OPCML: variants seen among roughly 807,000 people sequenced by gnomAD.
The protein encoded by OPCML is opioid binding protein/cell adhesion molecule like.
A neutral mutation model predicts 37.8 loss-of-function variants in OPCML; 13 were observed. That is an observed-to-expected ratio of 0.34 (90% CI 0.22 to 0.55). The LOEUF is 0.55. Ranked by LOEUF, OPCML falls within the 20% of genes least tolerant of loss-of-function variation. The pLI, the probability that OPCML is intolerant of heterozygous loss-of-function variation, is 0.91. For missense variants in OPCML, 341 were observed against 435.6 expected (o/e 0.78, Z 1.93); for synonymous variants, 176 against 168.8 (o/e 1.04, Z -0.33).
chr11:132,772,263 G>A (rs1946664828), intron 2 of OPCML: 3 of 152,184 alleles, frequency 2.0e-5, no homozygotes, highest in African/African-American at 7.2e-5. Context: ...TGCTACCAAA[G>A]CTCTCATTTC....
At chr11:133,218,637 A>C (rs1483438563) in intron 1 of OPCML, among the ~76,000 whole-genome samples, 1 of 152,210 alleles carries the variant, frequency 6.6e-6, no homozygotes, top group Non-Finnish European at 1.5e-5. Flanking sequence ...TGATGTCTGC[A>C]GCTGGCATAG....
chr11:132,443,638 C>T lies in OPCML; in HGVS notation c.506-6279G>A, dbSNP rs543721399. Among the ~76,000 whole-genome samples the T allele has an allele frequency of 5.3e-5, 8 of 152,326 alleles. No homozygotes were observed. In the South Asian group the frequency reaches 1.0e-3, roughly 20 times the overall value. On this transcript the variant is annotated intron_variant, in intron 4 of 7. Transcript: ENST00000524381. ...TCACAATTCAAGCTGTCAAGGAACA[C>T]AGATTTTACTTCTGTAAGGGAAGAA...
intron 1 of OPCML, among the ~76,000 whole-genome samples, chr11:133,230,969 G>T (rs952487110): frequency 5.3e-5 from 8 of 152,188 alleles, no homozygotes; most frequent in African/African-American, 1.7e-4. Context: ...CTCATAACCA[G>T]GGAGGGTGTG....
intron 3 of OPCML, among the ~76,000 whole-genome samples, chr11:132,624,842 C>T (rs370176845): frequency 6.6e-6 from 1 of 152,222 alleles, no homozygotes; most frequent in East Asian, 1.9e-4. Flanking sequence ...ATCAAACATG[C>T]CACGTTATTA....
rs1255603307 is a variant in OPCML at position 132,554,883 on chromosome 11, T to TTTTTTTTTTTTTTC, written c.380-25698_380-25697insGAAAAAAAAAAAAA. On this transcript the variant is annotated intron_variant, in intron 3 of 7. Coordinates refer to ENST00000524381, the MANE Select transcript of OPCML (RefSeq NM_001012393.5). ...GTAAAGTTTTTTTTTTTTTTTTTTT[T>TTTTTTTTTTTTTTC]TTTTTTTTCATTAGCTCTATGGTTA... is the stretch of plus-strand genomic sequence containing the variant. 1.0e-2 allele frequency among the ~76,000 whole-genome samples: 1,251 copies of TTTTTTTTTTTTTTC among 125,614 alleles called. 47 individuals carry two copies. The highest frequency in any genetic ancestry group is 0.031 in the East Asian group (87 of 2,838). The allele number at this position is 125,614 out of a possible 152,430, so 82.4% of individuals were successfully genotyped here. A position where few individuals can be genotyped will look rare whatever the true frequency, so the allele number is the denominator to read the frequency against.
intron 4 of OPCML, among the ~76,000 whole-genome samples, chr11:132,484,081 C>T (rs2096190895): frequency 6.6e-6 from 1 of 152,134 alleles, no homozygotes; most frequent in Admixed American, 6.5e-5. Flanking sequence ...CCTAATTAAA[C>T]TAAAGAGCTT....
At chr11:133,496,517 C>T (rs955710668) in intron 1 of OPCML, among the ~76,000 whole-genome samples, 1 of 152,172 alleles carries the variant, frequency 6.6e-6, no homozygotes, top group African/African-American at 2.4e-5. Flanking sequence ...AATGTTGGTT[C>T]TACCCATCCA....
intron 1 of OPCML, among the ~76,000 whole-genome samples, chr11:133,410,119 A>G (rs1445125796): frequency 6.6e-6 from 1 of 152,200 alleles, no homozygotes; most frequent in Non-Finnish European, 1.5e-5. Flanking sequence ...GGGCATAGCT[A>G]CGGCATATAA....
chr11:133,393,882 T>C (rs1945228969), intron 1 of OPCML, among the ~76,000 whole-genome samples: 1 of 152,228 alleles, frequency 6.6e-6, no homozygotes. Flanking sequence ...TCAGGAGTCT[T>C]GAAGGACTTG....
At chr11:133,331,692 C>G (rs1277530779) in intron 1 of OPCML, among the ~76,000 whole-genome samples, 1 of 152,044 alleles carries the variant, frequency 6.6e-6, no homozygotes, top group African/African-American at 2.4e-5. Context: ...TTTCAAAATT[C>G]TACTTTATTT....
intron 1 of OPCML, among the ~76,000 whole-genome samples, chr11:133,044,211 A>G (rs879335176): frequency 1.3e-5 from 2 of 152,186 alleles, no homozygotes; most frequent in Non-Finnish European, 2.9e-5. Context: ...ATGGGTGTGC[A>G]TGGGTGCATA....
chr11:132,498,191 T>C (rs2096237362), intron 4 of OPCML, among the ~76,000 whole-genome samples: 1 of 152,246 alleles, frequency 6.6e-6, no homozygotes, highest in Non-Finnish European at 1.5e-5. Context: ...GTGGTAACAT[T>C]ACTTAAATTA....
At chr11:133,469,803 G>T (rs1379455759) in intron 1 of OPCML, among the ~76,000 whole-genome samples, 1 of 152,016 alleles carries the variant, frequency 6.6e-6, no homozygotes, top group Non-Finnish European at 1.5e-5. Context: ...ATCCTACCTG[G>T]CACATGCTCT....
In OPCML at chr11:132,534,171, C is replaced by T. The variant is rs540868635; in HGVS notation, c.380-4985G>A. Reference sequence around the variant, plus strand: ...TTTTCTGGGCTCAGTTTTAATGTCACGTCCTCAGAGAAGTCTTTGCTAATG... The same window carrying T: ...TTTTCTGGGCTCAGTTTTAATGTCATGTCCTCAGAGAAGTCTTTGCTAATG... On this transcript the variant is annotated intron_variant, in intron 3 of 7. Coordinates refer to ENST00000524381, the MANE Select transcript of OPCML (RefSeq NM_001012393.5). Among the ~76,000 whole-genome samples the T allele has an allele frequency of 1.2e-4, 18 of 152,194 alleles. No individual in the cohort carries two copies. In the South Asian group the frequency reaches 1.2e-3, roughly 11 times the overall value.
chr11:133,419,304 G>A (rs1945833999), intron 1 of OPCML: 4 of 985,318 alleles, frequency 4.1e-6, no homozygotes, highest in African/African-American at 1.7e-5. Flanking sequence ...GATGTCTGGT[G>A]TAAACTGGAA....
intron 2 of OPCML, among the ~76,000 whole-genome samples, chr11:132,728,157 C>T (rs913376419): frequency 2.6e-5 from 4 of 152,228 alleles, no homozygotes; most frequent in African/African-American, 9.6e-5. Context: ...CCTGTGCCGG[C>T]GCAGCCCGCC....
chr11:133,322,982 A>G (rs74773506), intron 1 of OPCML, among the ~76,000 whole-genome samples: 2,057 of 152,328 alleles, frequency 0.014, 25 homozygotes, highest in South Asian at 0.044. Context: ...AGTTAATACT[A>G]ACAGACATTA....
In OPCML at chr11:132,420,201, T is replaced by A; in HGVS notation, c.1009A>T (p.Lys337Ter). 1 of 1,613,782 alleles carries A rather than the reference T, an allele frequency of 6.2e-7. No individual in the cohort carries two copies. The highest frequency in any genetic ancestry group is 8.5e-7 in the Non-Finnish European group (1 of 1,179,822). ...GGACCTAGGATTTCTTATCAAAACT[T>A]GATGAAGAAGTGGGCTAAGAGGGTC... ...SGTLLAHFFIKF is the reference protein window; with the variant it reads ...SGTLLAHFFI Residue 337 changes from lysine to a stop codon, truncating the protein, a stop_gained, in exon 8 of 8, where the codon AAG becomes TAG. Coordinates refer to ENST00000524381, the MANE Select transcript of OPCML (RefSeq NM_001012393.5). LOFTEE classifies it high-confidence loss of function.
chr11:132,547,270 T>A (rs1421035827), intron 3 of OPCML, among the ~76,000 whole-genome samples: 1 of 152,038 alleles, frequency 6.6e-6, no homozygotes. Context: ...GGCAGAAAAG[T>A]GGGGTGAGAA....
Sources: gnomAD v4.1 joint callset for allele counts (sites outside exome capture counted in the v4.1 genomes callset) on GRCh38, gnomAD v4.1.1 for gene constraint, MANE v1.5 for transcripts, NCBI Gene and HGNC (gene_info 2026-07-23, HGNC 2026-07-21) for gene names.